STAU2: variants seen among roughly 807,000 people sequenced by gnomAD.
STAU2 encodes the protein double-stranded RNA-binding protein Staufen homolog 2.
In STAU2, 20 loss-of-function variants were observed where a neutral mutation model predicts 65.9. That is an observed-to-expected ratio of 0.30 (90% CI 0.21 to 0.44). STAU2 has a LOEUF of 0.44. STAU2 is among the 20% of genes least tolerant of loss of function. STAU2 has a pLI of 1.00. For synonymous variants in STAU2, 232 were observed against 233.9 expected (o/e 0.99, Z 0.07); for missense variants, 558 against 683.9 (o/e 0.82, Z 2.05).
At chr8:73,583,870 C>T (rs1357875860) in intron 11 of STAU2, among the ~76,000 whole-genome samples, 1 of 151,990 alleles carries the variant, frequency 6.6e-6, no homozygotes, top group Non-Finnish European at 1.5e-5. Flanking sequence ...TAATAAGTGA[C>T]TTTAGTTATA....
intron 3 of STAU2, among the ~76,000 whole-genome samples, chr8:73,709,558 T>G (rs1820744210): frequency 6.6e-6 from 1 of 152,074 alleles, no homozygotes; most frequent in Non-Finnish European, 1.5e-5. Context: ...TCTCAATTTT[T>G]TTCCTTCTCA....
At chr8:73,729,087 T>TA (rs1015355878) in intron 3 of STAU2, among the ~76,000 whole-genome samples, 8 of 151,622 alleles carry the variant, frequency 5.3e-5, no homozygotes, top group Non-Finnish European at 7.4e-5. Flanking sequence ...AGGAAATGTT[T>TA]AAAAAAAAAG....
chr8:73,680,099 T>A (rs1281911630), intron 5 of STAU2, among the ~76,000 whole-genome samples: 1 of 121,580 alleles, frequency 8.2e-6, no homozygotes, highest in Admixed American at 1.1e-4. Context: ...TGTCATAATT[T>A]TGACTGAATG....
At chr8:73,664,693 T>C (rs544775003) in intron 6 of STAU2, among the ~76,000 whole-genome samples, 2 of 152,204 alleles carry the variant, frequency 1.3e-5, no homozygotes, top group Non-Finnish European at 2.9e-5. Context: ...TGATATTTTG[T>C]TAAGAATTTT....
chr8:73,479,712 CGTGTGTGTGT>C (rs5892422), intron 13 of STAU2, among the ~76,000 whole-genome samples: 18 of 143,904 alleles, frequency 1.3e-4, no homozygotes, highest in African/African-American at 4.4e-4. Flanking sequence ...CTTAAATATA[CGTGTGTGTGT>C]GTGTGTGTGT....
intron 13 of STAU2, among the ~76,000 whole-genome samples, chr8:73,463,514 G>A (rs1819486234): frequency 6.6e-6 from 1 of 152,206 alleles, no homozygotes; most frequent in Non-Finnish European, 1.5e-5. Flanking sequence ...AGAAGCTGGT[G>A]TTACTAATGT....
chr8:73,736,657 T>C (rs1350826289), intron 3 of STAU2, among the ~76,000 whole-genome samples: 1 of 152,138 alleles, frequency 6.6e-6, no homozygotes, highest in Non-Finnish European at 1.5e-5. Flanking sequence ...ACTGAGATTA[T>C]TTCTAGGGCA....
intron 5 of STAU2, among the ~76,000 whole-genome samples, chr8:73,688,229 T>C (rs1368920856): frequency 2.0e-5 from 3 of 149,860 alleles, no homozygotes; most frequent in Non-Finnish European, 4.4e-5. Flanking sequence ...CAGGCTGGAG[T>C]GCAATGGCGC....
chr8:73,514,989 G>A (rs1822626564), intron 13 of STAU2, among the ~76,000 whole-genome samples: 1 of 152,142 alleles, frequency 6.6e-6, no homozygotes, highest in Non-Finnish European at 1.5e-5. Flanking sequence ...TGACTGTTGA[G>A]TGAATAAAAT....
chr8:73,474,635 G>T (rs1401191715), intron 13 of STAU2, among the ~76,000 whole-genome samples: 1 of 151,882 alleles, frequency 6.6e-6, no homozygotes, highest in Non-Finnish European at 1.5e-5. Flanking sequence ...CTTAATGGGT[G>T]TGTCTTTTAG....
At chr8:73,707,300 G>A (rs150277310) in intron 4 of STAU2, among the ~76,000 whole-genome samples, 3 of 152,136 alleles carry the variant, frequency 2.0e-5, no homozygotes, top group African/African-American at 7.2e-5. Context: ...ATTACTAGAC[G>A]GAATGAACTA....
At chr8:73,711,235 A>G (rs1820882192) in intron 3 of STAU2, among the ~76,000 whole-genome samples, 1 of 151,702 alleles carries the variant, frequency 6.6e-6, no homozygotes, top group Non-Finnish European at 1.5e-5. Context: ...CATTTTACCT[A>G]TTCCATTGCA....
intron 13 of STAU2, among the ~76,000 whole-genome samples, chr8:73,512,182 A>G (rs1299407775): frequency 6.6e-6 from 1 of 152,160 alleles, no homozygotes; most frequent in Non-Finnish European, 1.5e-5. Context: ...CAGTAGTGTA[A>G]ATGTTTCAAT....
chr8:73,593,751 T>G lies in STAU2; in HGVS notation c.1161+1415A>C, dbSNP rs921437245. 3.3e-5 allele frequency among the ~76,000 whole-genome samples: 5 copies of G among 152,118 alleles called. No homozygotes were observed. In the East Asian group the frequency reaches 7.7e-4, roughly 23 times the overall value. On this transcript the variant is annotated intron_variant, in intron 11 of 14. Coordinates refer to ENST00000524300, the MANE Select transcript of STAU2 (RefSeq NM_001164380.2). ...TGGGAATTTTCCAGTAGACTGTTTT[T>G]GGACTGAAATTTCAACTCTTTCCTG...
intron 12 of STAU2, among the ~76,000 whole-genome samples, chr8:73,559,330 G>A (rs750895654): frequency 1.2e-4 from 19 of 152,184 alleles, no homozygotes; most frequent in Non-Finnish European, 1.8e-4. Context: ...AGAACAGGGT[G>A]GTGATGGGGA....
intron 3 of STAU2, among the ~76,000 whole-genome samples, chr8:73,725,271 T>C (rs991586428): frequency 6.6e-6 from 1 of 152,240 alleles, no homozygotes; most frequent in African/African-American, 2.4e-5. Context: ...TTAGTACCCA[T>C]TTTATATCCT....
At chr8:73,607,565 A>G (rs1812116381) in intron 9 of STAU2, among the ~76,000 whole-genome samples, 1 of 151,906 alleles carries the variant, frequency 6.6e-6, no homozygotes, top group South Asian at 2.1e-4. Flanking sequence ...CCCCATCTCT[A>G]CTAAAAAAAA....
intron 3 of STAU2, 140 bp downstream of exon 3, chr8:73,738,144 G>A (rs1586386896): frequency 1.3e-6 from 1 of 745,290 alleles, no homozygotes; most frequent in Admixed American, 2.7e-5. Flanking sequence ...AGCCTCCAAT[G>A]ATGACTATAC....
intron 3 of STAU2, among the ~76,000 whole-genome samples, chr8:73,721,506 A>G (rs892265510): frequency 7.2e-5 from 11 of 152,152 alleles, no homozygotes; most frequent in African/African-American, 2.7e-4. Flanking sequence ...GACAGGGGTT[A>G]CTAAAATCTC....
Sources: allele counts gnomAD v4.1 joint callset (sites outside exome capture counted in the v4.1 genomes callset), GRCh38; gene constraint gnomAD v4.1.1; transcripts MANE v1.5; gene names NCBI Gene and HGNC (gene_info 2026-07-23, HGNC 2026-07-21).